Variants in LINGO2 observed in about 807,000 individuals in gnomAD.
LINGO2 encodes leucine rich repeat and Ig domain containing 2, also known as leucine-rich repeat and immunoglobulin-like domain-containing nogo receptor-interacting protein 2.
In LINGO2, 14 loss-of-function variants were observed where a neutral mutation model predicts 30.6. That is an observed-to-expected ratio of 0.46 (90% CI 0.30 to 0.72). The LOEUF (loss-of-function observed/expected upper bound fraction) is 0.72, where lower values mean the gene tolerates loss of function less well. LINGO2 is among the 30% of genes least tolerant of loss of function. LINGO2 has a pLI of 0.07. For synonymous variants in LINGO2, 317 were observed against 288.5 expected, an observed-to-expected ratio of 1.10 and a Z score of -1.00; for missense variants, 729 against 751.7, an observed-to-expected ratio of 0.97 and a Z score of 0.35.
At chr9:29,147,363 T>C in the LINGO2 span, among the ~76,000 whole-genome samples, 1 of 152,116 alleles carries the variant, frequency 6.6e-6, no homozygotes, top group East Asian at 1.9e-4. Context: ...GTATCTGTGA[T>C]TGAAACTGCC....
At chr9:28,341,539 A>G (rs1251857419) in intron 3 of LINGO2, among the ~76,000 whole-genome samples, 1 of 152,146 alleles carries the variant, frequency 6.6e-6, no homozygotes, top group Non-Finnish European at 1.5e-5. Context: ...AATAAAGCAC[A>G]TGGGAAAAAA....
intron 3 of LINGO2, among the ~76,000 whole-genome samples, chr9:28,341,351 GTTATA>G (rs1825759970): frequency 6.6e-6 from 1 of 152,154 alleles, no homozygotes; most frequent in East Asian, 1.9e-4. Context: ...TTGGTCATAT[GTTATA>G]TTATGTTTTA....
At chr9:29,072,966 C>T in the LINGO2 span, among the ~76,000 whole-genome samples, 2 of 151,204 alleles carry the variant, frequency 1.3e-5, no homozygotes, top group Non-Finnish European at 2.9e-5. Context: ...CCTTCCCTCC[C>T]TCCATCTCTC....
intron 4 of LINGO2, among the ~76,000 whole-genome samples, chr9:28,228,603 G>A (rs559761086): frequency 1.3e-5 from 2 of 151,958 alleles, no homozygotes; most frequent in East Asian, 3.9e-4. Context: ...ATTTTTAAAA[G>A]TAATATTTGA....
intron 4 of LINGO2, among the ~76,000 whole-genome samples, chr9:28,055,666 AT>A (rs1378845869): frequency 6.6e-6 from 1 of 152,190 alleles, no homozygotes; most frequent in Non-Finnish European, 1.5e-5. Flanking sequence ...GGTTTGCTAG[AT>A]TGTCAAAAAA....
chr9:28,375,280 C>G (rs759313156), intron 2 of LINGO2, among the ~76,000 whole-genome samples: 4 of 152,180 alleles, frequency 2.6e-5, no homozygotes, highest in Non-Finnish European at 5.9e-5. Context: ...GATGCTGGGT[C>G]TCAATTCAGT....
At chr9:28,042,857 AGAGT>A (rs1276485164) in intron 4 of LINGO2, among the ~76,000 whole-genome samples, 1 of 152,118 alleles carries the variant, frequency 6.6e-6, no homozygotes, top group Non-Finnish European at 1.5e-5. Flanking sequence ...ATTAATATCG[AGAGT>A]GAAAGTTATT....
the LINGO2 span, among the ~76,000 whole-genome samples, chr9:28,896,984 G>T: frequency 1.3e-5 from 2 of 151,798 alleles, no homozygotes. Context: ...TCACTAATAC[G>T]CAGCTTACAA....
At chr9:28,957,238 T>G in the LINGO2 span, among the ~76,000 whole-genome samples, 1 of 151,558 alleles carries the variant, frequency 6.6e-6, no homozygotes, top group Admixed American at 6.6e-5. Context: ...CACTTAATTT[T>G]TAGGTCAATG....
At chr9:28,033,625 A>G (rs1399110820) in intron 4 of LINGO2, among the ~76,000 whole-genome samples, 5 of 152,222 alleles carry the variant, frequency 3.3e-5, no homozygotes, top group Admixed American at 6.5e-5. Context: ...TTATATTTTG[A>G]GGATGGATTA....
chr9:28,012,809 G>T (rs1822626479), intron 4 of LINGO2, among the ~76,000 whole-genome samples: 1 of 149,810 alleles, frequency 6.7e-6, no homozygotes, highest in South Asian at 2.2e-4. Context: ...TCACTTTTAT[G>T]ATATCTCCAT....
chr9:29,115,075 C>T, the LINGO2 span, among the ~76,000 whole-genome samples: 1 of 152,030 alleles, frequency 6.6e-6, no homozygotes, highest in Non-Finnish European at 1.5e-5. Context: ...AAAATTAAAG[C>T]TAATACCCAA....
intron 4 of LINGO2, among the ~76,000 whole-genome samples, chr9:28,278,064 G>C (rs1823190736): frequency 6.6e-6 from 1 of 152,128 alleles, no homozygotes; most frequent in South Asian, 2.1e-4. Flanking sequence ...AATTGTAGTG[G>C]TCTGGATAGA....
intron 2 of LINGO2, among the ~76,000 whole-genome samples, chr9:28,374,286 A>G (rs1176528848): frequency 6.6e-6 from 1 of 150,940 alleles, no homozygotes; most frequent in African/African-American, 2.4e-5. Flanking sequence ...TCAGACACTT[A>G]AAGTAACCTT....
rs11306826 is a variant in LINGO2, at chr9:28,300,126, GAAAA to G, written c.-245-4764_-245-4761del. ...CTTTCTCTCTCTCATTTTTCTAATG[GAAAA>G]AAAAAAAAAAAAACAAAGACACAAA... On this transcript the variant is annotated intron_variant, in intron 3 of 5. Coordinates refer to ENST00000379992, the Ensembl canonical transcript of LINGO2. 3.8e-3 allele frequency among the ~76,000 whole-genome samples: 506 copies of G among 132,002 alleles called. 6 individuals carry two copies. Among genetic ancestry groups the G allele is most frequent in the Admixed American group, 0.029 (392 of 13,350 alleles). The allele number at this position is 132,002 out of a possible 152,430, so 86.6% of individuals were successfully genotyped here.
At chr9:28,064,598 C>T (rs1825256405) in intron 4 of LINGO2, among the ~76,000 whole-genome samples, 1 of 152,118 alleles carries the variant, frequency 6.6e-6, no homozygotes, top group African/African-American at 2.4e-5. Flanking sequence ...CTACCTCATC[C>T]ACTTAATTAA....
At chr9:28,111,773 T>C (rs1232440899) in intron 4 of LINGO2, among the ~76,000 whole-genome samples, 2 of 152,122 alleles carry the variant, frequency 1.3e-5, no homozygotes, top group Non-Finnish European at 2.9e-5. Flanking sequence ...CAGGAAAGAA[T>C]GCTGCAACAG....
At chr9:28,237,051 T>G (rs1044791957) in intron 4 of LINGO2, among the ~76,000 whole-genome samples, 1 of 139,082 alleles carries the variant, frequency 7.2e-6, no homozygotes, top group Non-Finnish European at 1.5e-5. Flanking sequence ...ATAAAAAAAT[T>G]TAAAGTCATA....
At chr9:28,983,318 C>T in the LINGO2 span, among the ~76,000 whole-genome samples, 1 of 130,986 alleles carries the variant, frequency 7.6e-6, no homozygotes, top group African/African-American at 2.8e-5. Context: ...ATGAGGTATC[C>T]AAAAAAAAAA....
Sources: allele counts gnomAD v4.1 joint callset (sites outside exome capture counted in the v4.1 genomes callset), GRCh38; gene constraint gnomAD v4.1.1; transcripts MANE v1.5; gene names NCBI Gene and HGNC (gene_info 2026-07-23, HGNC 2026-07-21).